Variants in PPP1R12B observed in about 807,000 individuals in gnomAD.
The protein encoded by PPP1R12B is myosin phosphatase target subunit 2.
Under a neutral mutation model 126.1 loss-of-function variants are expected in PPP1R12B, and 76 were observed. The ratio of observed to expected loss-of-function variants is 0.60; its 90% CI spans 0.50 to 0.73. The LOEUF is 0.73. PPP1R12B is among the 30% of genes least tolerant of loss of function. PPP1R12B has a pLI of 0.00. For missense variants in PPP1R12B, 1,052 were observed against 1,205.1 expected (o/e 0.87, Z 1.88); for synonymous variants, 356 against 434.7 (o/e 0.82, Z 2.25).
At chr1:202,533,900 T>C (rs1042629939) in intron 18 of PPP1R12B, among the ~76,000 whole-genome samples, 7 of 152,228 alleles carry the variant, frequency 4.6e-5, no homozygotes, top group Non-Finnish European at 4.4e-5. Context: ...ACTTTGAGAT[T>C]GTGTAAACTC....
intron 18 of PPP1R12B, among the ~76,000 whole-genome samples, chr1:202,525,841 G>A (rs1228183280): frequency 6.6e-6 from 1 of 152,188 alleles, no homozygotes; most frequent in Admixed American, 6.5e-5. Context: ...GTGATTACAG[G>A]TGCCCGCCAC....
chr1:202,449,421 G>A lies in PPP1R12B; in HGVS notation c.1850+250G>A, dbSNP rs181739201. Among the ~76,000 whole-genome samples, 380 of 150,936 alleles carry A rather than the reference G, an allele frequency of 2.5e-3. 7 individuals are homozygous for A. Among genetic ancestry groups the A allele is most frequent in the South Asian group, 4.2e-3 (20 of 4,752 alleles). On this transcript the variant is annotated intron_variant, in intron 13 of 23. Transcript: ENST00000608999. ...CTCCCAAGTAGCTGGGACTGCAGGC[G>A]TGTGTCACCCCACCCGGCTAATTTT...
At chr1:202,381,952 T>C (rs2148491435) in intron 1 of PPP1R12B, among the ~76,000 whole-genome samples, 1 of 152,312 alleles carries the variant, frequency 6.6e-6, no homozygotes, top group Admixed American at 6.5e-5. Context: ...TAAATCATGC[T>C]GCTGTAAAGA....
chr1:202,554,009 A>T (rs1323852302), intron 18 of PPP1R12B, among the ~76,000 whole-genome samples: 1 of 152,138 alleles, frequency 6.6e-6, no homozygotes, highest in Admixed American at 6.5e-5. Flanking sequence ...GAATGACAGG[A>T]GGATGAAGAG....
intron 13 of PPP1R12B, among the ~76,000 whole-genome samples, chr1:202,478,336 G>A (rs1279258008): frequency 1.3e-5 from 2 of 152,198 alleles, no homozygotes; most frequent in African/African-American, 4.8e-5. Context: ...ATTTTAGAAA[G>A]TGTTACAGAA....
intron 19 of PPP1R12B, among the ~76,000 whole-genome samples, chr1:202,561,318 A>G (rs1453219362): frequency 6.6e-6 from 1 of 152,062 alleles, no homozygotes; most frequent in Non-Finnish European, 1.5e-5. Flanking sequence ...AATTTGAAAA[A>G]TTTAAGTGTC....
chr1:202,492,276 G>A (rs1284963008), intron 14 of PPP1R12B, among the ~76,000 whole-genome samples: 3 of 152,136 alleles, frequency 2.0e-5, no homozygotes, highest in African/African-American at 7.2e-5. Flanking sequence ...TGTAGTTCTA[G>A]TGCCTAAAGA....
intron 18 of PPP1R12B, among the ~76,000 whole-genome samples, chr1:202,526,617 A>T (rs1331196399): frequency 6.6e-6 from 1 of 152,180 alleles, no homozygotes; most frequent in African/African-American, 2.4e-5. Flanking sequence ...GATAAAGAGG[A>T]GAGTGAAGGG....
At chr1:202,398,535 G>A (rs1225254287) in intron 1 of PPP1R12B, among the ~76,000 whole-genome samples, 1 of 152,124 alleles carries the variant, frequency 6.6e-6, no homozygotes, top group Non-Finnish European at 1.5e-5. Context: ...CCTTTAACCT[G>A]TTCTCCCAAA....
At chr1:202,366,565 T>TAATGATAACA (rs1659278623) in intron 1 of PPP1R12B, among the ~76,000 whole-genome samples, 1 of 147,524 alleles carries the variant, frequency 6.8e-6, no homozygotes, top group African/African-American at 2.5e-5. Flanking sequence ...CTTAATACAG[T>TAATGATAACA]AATGATAACA....
At chr1:202,535,530 C>T (rs1684446851) in intron 18 of PPP1R12B, among the ~76,000 whole-genome samples, 1 of 152,144 alleles carries the variant, frequency 6.6e-6, no homozygotes, top group African/African-American at 2.4e-5. Context: ...CTAACATATG[C>T]AGTTCCTCTA....
At chr1:202,535,039 TTATGTGTGTGTGTG>T (rs759737719) in intron 18 of PPP1R12B, among the ~76,000 whole-genome samples, 14 of 150,872 alleles carry the variant, frequency 9.3e-5, no homozygotes, top group Non-Finnish European at 1.6e-4. Flanking sequence ...TGATGGATGA[TTATGTGTGTGTGTG>T]TATGTGTGTG....
rs369578576 is a variant in PPP1R12B, at chr1:202,519,060, T to C, written c.2490+22238T>C. The stretch of plus-strand genomic sequence containing the variant: ...AACAGTATGTCTTTAGTATGTTATT[T>C]GAAGACTCGGGATTATGGCTAGCTG... On this transcript the variant is annotated intron_variant, in intron 18 of 23. Coordinates refer to ENST00000608999, the MANE Select transcript of PPP1R12B (RefSeq NM_002481.4). Among the ~76,000 whole-genome samples the C allele has an allele frequency of 8.5e-5, 13 of 152,350 alleles. No homozygotes were observed. In the East Asian group the frequency reaches 1.9e-3, roughly 23 times the overall value.
chr1:202,461,787 C>T (rs1674334984), intron 13 of PPP1R12B, among the ~76,000 whole-genome samples: 1 of 152,120 alleles, frequency 6.6e-6, no homozygotes, highest in African/African-American at 2.4e-5. Flanking sequence ...CAGCCATACA[C>T]AGGTACCTTC....
intron 18 of PPP1R12B, among the ~76,000 whole-genome samples, chr1:202,507,574 T>C (rs965973760): frequency 3.9e-5 from 6 of 152,232 alleles, no homozygotes; most frequent in Admixed American, 3.9e-4. Context: ...CTGGTATTTT[T>C]CCAAAGTTTT....
At chr1:202,379,844 A>G (rs1226947269) in intron 1 of PPP1R12B, among the ~76,000 whole-genome samples, 1 of 152,242 alleles carries the variant, frequency 6.6e-6, no homozygotes, top group East Asian at 1.9e-4. Context: ...AATGAGGACA[A>G]TTAAAGAAAA....
At chr1:202,361,094 C>A (rs573917061) in intron 1 of PPP1R12B, among the ~76,000 whole-genome samples, 2 of 152,072 alleles carry the variant, frequency 1.3e-5, no homozygotes, top group South Asian at 4.2e-4. Flanking sequence ...GAGGTTTCAC[C>A]GTGTTAGCCA....
intron 18 of PPP1R12B, among the ~76,000 whole-genome samples, chr1:202,523,288 A>G (rs528031870): frequency 6.6e-6 from 1 of 152,338 alleles, no homozygotes; most frequent in East Asian, 1.9e-4. Context: ...ATAATAAAGT[A>G]TGTGTTAGAC....
At chr1:202,457,552 C>CAAAA (rs762009351) in intron 13 of PPP1R12B, among the ~76,000 whole-genome samples, 1 of 92,092 alleles carries the variant, frequency 1.1e-5, no homozygotes, top group Non-Finnish European at 2.2e-5. Context: ...GACTCCATCT[C>CAAAA]AAAAAAAAAA....
Sources: allele counts gnomAD v4.1 joint callset (sites outside exome capture counted in the v4.1 genomes callset), GRCh38; gene constraint gnomAD v4.1.1; transcripts MANE v1.5; gene names NCBI Gene and HGNC (gene_info 2026-07-23, HGNC 2026-07-21).